DNM2: variants seen among roughly 807,000 people sequenced by gnomAD.
DNM2 encodes dynamin-2.
A neutral mutation model predicts 99.0 loss-of-function variants in DNM2; 15 were observed. That is an observed-to-expected ratio of 0.15 (90% CI 0.10 to 0.23). DNM2 has a LOEUF of 0.23. Among genes scored for constraint, DNM2 ranks in the 10% least tolerant of loss-of-function variants. The probability of loss-of-function intolerance (pLI) is 1.00; values close to 1 mark genes in which losing one functional copy is unlikely to be tolerated. For missense variants in DNM2, 742 were observed against 1,189.4 expected (o/e 0.62, Z 5.53); for synonymous variants, 525 against 481.2 (o/e 1.09, Z -1.19).
chr19:10,738,730 C>T (rs1256070511), intron 1 of DNM2, among the ~76,000 whole-genome samples: 3 of 151,896 alleles, frequency 2.0e-5, no homozygotes, highest in East Asian at 3.9e-4. Context: ...GTTAGCTGGG[C>T]GTGGTGGTGG....
chr19:10,825,270 C>T (rs765770941), intron 18 of DNM2, 49 bp downstream of exon 18: 2 of 1,608,242 alleles, frequency 1.2e-6, no homozygotes, highest in East Asian at 2.2e-5. Flanking sequence ...TGCGGTGGCT[C>T]ACGCCTGTAA....
Position 10,820,066 on chromosome 19 carries a change from C to T in DNM2, c.1758C>T (p.Phe586=), listed in dbSNP as rs766274376. The T allele has an allele frequency of 1.3e-5, 21 of 1,614,070 alleles. No homozygotes were observed. Among genetic ancestry groups the T allele is most frequent in the Middle Eastern group, 3.3e-4 (2 of 6,082 alleles). ...GCTTCATGTCCAACAAGCACGTCTT[C>T]GCCATCTTCAACACGGAGCAGAGGT... ...EKGFMSNKHV[F]AIFNTEQRNV... Residue 586 remains phenylalanine (F), a synonymous_variant, in exon 16 of 21, where the codon TTC becomes TTT. Transcript: ENST00000389253. This position sits in a 1 kb window ranked among gnomAD's most constrained non-coding sequence, Gnocchi z 4.3.
rs757995259 is a variant in DNM2, at chr19:10,817,426, G to A, written c.1672-2554G>A. Reference sequence around the variant, plus strand: ...TCGACGAGCCGCTCACCCAAGCCCAGCCTAACCAATGTGCAGACTACTGTA... The same window carrying A: ...TCGACGAGCCGCTCACCCAAGCCCAACCTAACCAATGTGCAGACTACTGTA... On this transcript the variant is annotated intron_variant, in intron 15 of 20. Transcript: ENST00000389253. The surrounding 1 kb of genome is among the most constrained non-coding windows in gnomAD (Gnocchi z 4.6). 3.9e-6 allele frequency: 2 copies of A among 513,730 alleles called. No homozygotes were observed. The highest frequency in any genetic ancestry group is 3.9e-5 in the African/African-American group (2 of 51,320). The allele number at this position is 513,730 out of a possible 1,614,324, so 31.8% of individuals were successfully genotyped here.
At chr19:10,762,038 A>AT (rs1264151269) in intron 2 of DNM2, among the ~76,000 whole-genome samples, 1 of 152,076 alleles carries the variant, frequency 6.6e-6, no homozygotes, top group African/African-American at 2.4e-5. Flanking sequence ...TGCAAACTGC[A>AT]TTTTTATTTT....
At chr19:10,770,346 C>T (rs1293494422) in intron 2 of DNM2, among the ~76,000 whole-genome samples, 2 of 152,104 alleles carry the variant, frequency 1.3e-5, no homozygotes, top group East Asian at 1.9e-4. Flanking sequence ...TGCGCATCTT[C>T]GCATCTCCGG....
At chr19:10,792,068 A>G (rs1346617000) in intron 7 of DNM2, among the ~76,000 whole-genome samples, 3 of 152,210 alleles carry the variant, frequency 2.0e-5, no homozygotes, top group African/African-American at 7.2e-5. Context: ...AGCTTGGGCG[A>G]CAGAGTGAGA....
chr19:10,772,595 G>A lies in DNM2; in HGVS notation c.352G>A (p.Val118Met), dbSNP rs1460210196. 3.7e-6 allele frequency: 6 copies of A among 1,614,082 alleles called. No homozygotes were observed. Among genetic ancestry groups the A allele is most frequent in the Non-Finnish European group, 5.1e-6 (6 of 1,180,034 alleles). ...VTGTNKGISP[V>M]PINLRVYSPH... ...GGGGACCAACAAAGGCATCTCCCCA[G>A]TGCCCATCAACCTTCGAGTCTACTC... Residue 118 changes from valine to methionine, a missense_variant, in exon 3 of 21, where the codon GTG (valine) becomes ATG (methionine). Physicochemically the swap from Val to Met is conservative, Grantham distance 21. Transcript: ENST00000389253. This position sits in a 1 kb window ranked among gnomAD's most constrained non-coding sequence, Gnocchi z 4.9.
intron 3 of DNM2, among the ~76,000 whole-genome samples, chr19:10,773,323 A>T (rs1676271912): frequency 1.3e-5 from 2 of 150,788 alleles, no homozygotes; most frequent in Admixed American, 1.3e-4. Context: ...AATTTTTTGT[A>T]TTTTTAGTAG....
chr19:10,819,117 G>C (rs1364209980), intron 15 of DNM2, among the ~76,000 whole-genome samples: 1 of 152,190 alleles, frequency 6.6e-6, no homozygotes. Context: ...TTCCTGAACA[G>C]GGCCAACCTT....
At chr19:10,786,840 C>T (rs965377481) in intron 7 of DNM2, 134 bp downstream of exon 7, 18 of 1,511,956 alleles carry the variant, frequency 1.2e-5, no homozygotes, top group South Asian at 1.1e-4. Context: ...AAGCCTTCTG[C>T]GTGCCAGGCT....
At chr19:10,798,268 C>A (rs1403024023) in intron 10 of DNM2, 24 of 581,090 alleles carry the variant, frequency 4.1e-5, no homozygotes, top group Non-Finnish European at 6.5e-5. Flanking sequence ...GCTGGAAAAG[C>A]AGCTCTGCTC....
rs560235328 is a variant in DNM2 at position 10,828,850 on chromosome 19, G to A, written c.2059-186G>A. The A allele has an allele frequency of 1.8e-4, 112 of 618,424 alleles. 1 individual carries two copies. The East Asian group carries it at 2.6e-3, about 14-fold the overall frequency. The allele number at this position is 618,424 out of a possible 1,614,324, so 38.3% of individuals were successfully genotyped here. On this transcript the variant is annotated intron_variant, in intron 18 of 20. Transcript: ENST00000389253. Reference sequence around the variant, plus strand: ...TGAGGCAGGATAATTACTTGAACCCGGGAGGCGGAGGTTGCAGTGAGCTGA... The same window carrying A: ...TGAGGCAGGATAATTACTTGAACCCAGGAGGCGGAGGTTGCAGTGAGCTGA...
chr19:10,723,773 G>T (rs1311393196), intron 1 of DNM2, among the ~76,000 whole-genome samples: 1 of 152,202 alleles, frequency 6.6e-6, no homozygotes. Flanking sequence ...TGCTCTGGAG[G>T]AGCTGGCCTT....
chr19:10,802,404 C>T (rs1257778155), intron 12 of DNM2, 46 bp downstream of exon 12: 1 of 1,594,474 alleles, frequency 6.3e-7, no homozygotes. Context: ...CCAATCCTCA[C>T]TCTCAGATCC....
intron 19 of DNM2, 120 bp downstream of exon 19, chr19:10,829,388 G>A: frequency 7.8e-7 from 1 of 1,284,198 alleles, no homozygotes; most frequent in Non-Finnish European, 1.1e-6. Context: ...ACCCAGGGCT[G>A]GGCACTGTGG....
chr19:10,758,299 C>CTCCTTCCTTCCCTCCTTCCTTCCCTCCT (rs2070473358), intron 1 of DNM2, among the ~76,000 whole-genome samples: 1 of 89,320 alleles, frequency 1.1e-5, no homozygotes. Flanking sequence ...CCTTCCCTCC[C>CTCCTTCCTTCCCTCCTTCCTTCCCTCCT]TCCTTCCCTC....
chr19:10,798,351 G>C (rs1400061482), intron 10 of DNM2, 135 bp from the exon 11 acceptor site: 6 of 699,420 alleles, frequency 8.6e-6, no homozygotes, highest in Middle Eastern at 3.8e-4. Flanking sequence ...TGGGGGCCAG[G>C]AGCAAGGTGT....
At chr19:10,807,384 C>T (rs887336807) in intron 13 of DNM2, among the ~76,000 whole-genome samples, 3 of 151,750 alleles carry the variant, frequency 2.0e-5, no homozygotes, top group Non-Finnish European at 4.4e-5. Flanking sequence ...GGATTACAGG[C>T]GCCCGCCAGC....
At chr19:10,748,021 T>C (rs968491632) in intron 1 of DNM2, among the ~76,000 whole-genome samples, 1 of 152,000 alleles carries the variant, frequency 6.6e-6, no homozygotes, top group Non-Finnish European at 1.5e-5. Context: ...CATATGTGGC[T>C]GGAGTAAAGC....
Sources: allele counts gnomAD v4.1 joint callset (sites outside exome capture counted in the v4.1 genomes callset), GRCh38; gene constraint gnomAD v4.1.1; non-coding constraint Gnocchi (gnomAD v3.1); transcripts MANE v1.5; gene names NCBI Gene and HGNC (gene_info 2026-07-23, HGNC 2026-07-21).